Variants in ASPH observed in about 807,000 individuals in gnomAD.
ASPH encodes the protein aspartate beta-hydroxylase.
Under a neutral mutation model 118.4 loss-of-function variants are expected in ASPH, and 100 were observed. That is an observed-to-expected ratio of 0.84 (90% CI 0.72 to 1.00). ASPH has a LOEUF of 1.00. ASPH is among the 50% of genes least tolerant of loss of function. The pLI is 0.00. For synonymous variants in ASPH, 315 were observed against 325.6 expected, an observed-to-expected ratio of 0.97 and a Z score of 0.35; for missense variants, 920 against 919.5, an observed-to-expected ratio of 1.00 and a Z score of -0.01.
chr8:61,625,177 G>A, intron 13 of ASPH: 1 of 985,556 alleles, frequency 1.0e-6, no homozygotes, highest in Non-Finnish European at 1.2e-6. Flanking sequence ...TTCTGACAAA[G>A]GATTATTTTC....
intron 3 of ASPH, among the ~76,000 whole-genome samples, chr8:61,677,884 T>C (rs978959957): frequency 6.6e-6 from 1 of 152,162 alleles, no homozygotes; most frequent in African/African-American, 2.4e-5. Flanking sequence ...CAGATGACCA[T>C]ATGCAACGAA....
intron 14 of ASPH, among the ~76,000 whole-genome samples, chr8:61,608,133 G>T (rs549678624): frequency 6.6e-6 from 1 of 152,300 alleles, no homozygotes; most frequent in Admixed American, 6.5e-5. Context: ...GACGGCATCA[G>T]AAAAAGCTAG....
intron 3 of ASPH, among the ~76,000 whole-genome samples, chr8:61,668,971 C>T (rs1478831914): frequency 6.6e-6 from 1 of 152,138 alleles, no homozygotes; most frequent in Non-Finnish European, 1.5e-5. Context: ...CTGATCTTCC[C>T]AATTCTCTCT....
chr8:61,677,370 G>C (rs2151554059), intron 3 of ASPH, among the ~76,000 whole-genome samples: 1 of 152,208 alleles, frequency 6.6e-6, no homozygotes, highest in Non-Finnish European at 1.5e-5. Context: ...ACAGGGTGGG[G>C]TGTTCTGACT....
chr8:61,551,411 G>A (rs1218262660), intron 20 of ASPH, among the ~76,000 whole-genome samples: 1 of 152,184 alleles, frequency 6.6e-6, no homozygotes, highest in African/African-American at 2.4e-5. Flanking sequence ...AACACCTAAT[G>A]CTGGGAATAT....
At chr8:61,587,029 T>C (rs1839677117) in intron 14 of ASPH, among the ~76,000 whole-genome samples, 2 of 152,220 alleles carry the variant, frequency 1.3e-5, no homozygotes, top group African/African-American at 4.8e-5. Context: ...AAGAAATCTG[T>C]TATTCCTGAT....
chr8:61,561,091 GGAGGGAGA>G (rs1399711314), intron 18 of ASPH, among the ~76,000 whole-genome samples: 1,320 of 42,524 alleles, frequency 0.031, 18 homozygotes, highest in Non-Finnish European at 0.04. Context: ...AGGGAGGGAG[GGAGGGAGA>G]GAGGGAGGGA....
chr8:61,527,616 T>C (rs1815904560), intron 21 of ASPH, among the ~76,000 whole-genome samples: 1 of 152,210 alleles, frequency 6.6e-6, no homozygotes, highest in Non-Finnish European at 1.5e-5. Flanking sequence ...AAAGGAGAAC[T>C]TTATTTTTCA....
intron 24 of ASPH, among the ~76,000 whole-genome samples, chr8:61,507,773 T>C (rs1034877544): frequency 1.3e-5 from 2 of 152,220 alleles, no homozygotes; most frequent in Non-Finnish European, 2.9e-5. Context: ...CCACTTGCTT[T>C]GTGAACAAAG....
chr8:61,575,388 C>A (rs1834795932), intron 16 of ASPH, among the ~76,000 whole-genome samples: 1 of 152,124 alleles, frequency 6.6e-6, no homozygotes, highest in Non-Finnish European at 1.5e-5. Context: ...CCACGTCGAC[C>A]CCCTCACATG....
At chr8:61,662,062 T>C (rs924350501) in intron 3 of ASPH, 4 of 349,654 alleles carry the variant, frequency 1.1e-5, no homozygotes, top group Non-Finnish European at 2.1e-5. Flanking sequence ...ACACAACAAA[T>C]GACCAAAAAT....
At chr8:61,634,879 G>T (rs917072927) in intron 12 of ASPH, among the ~76,000 whole-genome samples, 1 of 152,082 alleles carries the variant, frequency 6.6e-6, no homozygotes, top group African/African-American at 2.4e-5. Context: ...TATTATTATT[G>T]CAAGTTAAAT....
chr8:61,675,660 T>C (rs1322958723), intron 3 of ASPH: 2 of 983,900 alleles, frequency 2.0e-6, no homozygotes, highest in African/African-American at 3.5e-5. Flanking sequence ...GCCAGAAATA[T>C]TTTTATAATG....
intron 8 of ASPH, 28 bp from the exon 9 acceptor site, chr8:61,643,461 A>T: frequency 6.3e-7 from 1 of 1,593,348 alleles, no homozygotes; most frequent in Non-Finnish European, 8.5e-7. Flanking sequence ...ACCTTTGCCA[A>T]ACAGGAAAAA....
intron 4 of ASPH, among the ~76,000 whole-genome samples, chr8:61,652,732 T>A (rs1013837167): frequency 1.3e-5 from 2 of 152,180 alleles, no homozygotes. Flanking sequence ...AGTTACTATC[T>A]ATTCTGGAGC....
In ASPH at chr8:61,502,684, T is replaced by C. The variant is rs1482378900; in HGVS notation, c.*675A>G. 6.6e-6 allele frequency: 1 copy of C among 152,266 alleles called. No individual in the cohort carries two copies. Among genetic ancestry groups the C allele is most frequent in the East Asian group, 1.9e-4 (1 of 5,182 alleles). The allele number at this position is 152,266 out of a possible 1,614,324, so 9.4% of individuals were successfully genotyped here. ...TTTGTCAATATCTCCACCACTAGCATAGTGAGAAGAGGATCTCAATCAAGA... is the reference window on the plus strand; with the variant it reads ...TTTGTCAATATCTCCACCACTAGCACAGTGAGAAGAGGATCTCAATCAAGA... On this transcript the variant is annotated 3_prime_UTR_variant, in exon 25 of 25. Coordinates refer to ENST00000379454, the MANE Select transcript of ASPH (RefSeq NM_004318.4).
chr8:61,549,612 T>C (rs1825149644), intron 20 of ASPH, among the ~76,000 whole-genome samples: 1 of 152,242 alleles, frequency 6.6e-6, no homozygotes, highest in South Asian at 2.1e-4. Context: ...AATGGCTAAT[T>C]GTTATCTAAT....
intron 4 of ASPH, 80 bp from the exon 5 acceptor site, chr8:61,651,204 T>A: frequency 8.5e-7 from 1 of 1,174,126 alleles, no homozygotes; most frequent in Non-Finnish European, 1.3e-6. Flanking sequence ...ATGACATTGG[T>A]ACATACACAT....
chr8:61,695,173 C>G (rs1833633673), intron 1 of ASPH, among the ~76,000 whole-genome samples: 1 of 152,230 alleles, frequency 6.6e-6, no homozygotes, highest in Non-Finnish European at 1.5e-5. Flanking sequence ...TCATCAAAAT[C>G]CAAGTTATCA....
Sources: gnomAD v4.1 joint callset for allele counts (sites outside exome capture counted in the v4.1 genomes callset) on GRCh38, gnomAD v4.1.1 for gene constraint, MANE v1.5 for transcripts, NCBI Gene and HGNC (gene_info 2026-07-23, HGNC 2026-07-21) for gene names.